Variants in LY9 observed in about 807,000 individuals in gnomAD.
LY9 encodes T-lymphocyte surface antigen Ly-9.
LY9 carries 59 observed loss-of-function variants against 64.6 expected under a neutral mutation model. The observed-to-expected ratio is 0.91, with a 90% CI of 0.74 to 1.13. The LOEUF (loss-of-function observed/expected upper bound fraction) is 1.13. Among genes scored for constraint, LY9 ranks in the 50% most tolerant of loss-of-function variants. The probability of loss-of-function intolerance (pLI) is 0.00; values close to 1 mark genes in which losing one functional copy is unlikely to be tolerated. For synonymous variants in LY9, 281 were observed against 308.5 expected (o/e 0.91, Z 0.93); for missense variants, 789 against 797.2 (o/e 0.99, Z 0.12).
At chr1:160,802,640 T>C (rs1666612917) in intron 2 of LY9, 4 of 985,422 alleles carry the variant, frequency 4.1e-6, no homozygotes, top group Non-Finnish European at 3.6e-6. Context: ...ACCAATTTGG[T>C]GAAAATGCTG....
Position 160,813,779 on chromosome 1 carries a change from G to T in LY9, c.598G>T (p.Glu200Ter). 6.2e-7 allele frequency: 1 copy of T among 1,614,148 alleles called. No individual in the cohort carries two copies. Among genetic ancestry groups the T allele is most frequent in the East Asian group, 2.2e-5 (1 of 44,888 alleles). The change falls in exon 3 of 10, where the codon GAG becomes TAG. Residue 200 changes from glutamate to a stop codon, truncating the protein, a stop_gained. Transcript: ENST00000263285. LOFTEE classifies it high-confidence loss of function. The stretch of plus-strand genomic sequence containing the variant: ...GACCCCAAGGGAACCCCATGCTTCT[G>T]AGTCCAATGGAGGCTCCATTCTTAC... ...SWTPREPHAS[E>*]SNGGSILTVS... is the part of the protein sequence containing the mutation.
chr1:160,814,790 C>T, intron 4 of LY9, 29 bp downstream of exon 4: 2 of 1,568,990 alleles, frequency 1.3e-6, no homozygotes, highest in East Asian at 4.6e-5. Context: ...CACCCATCAC[C>T]AGATTCCTTC....
rs1667777248 is a variant in LY9 at position 160,814,460 on chromosome 1, G to A, written c.771G>A (p.Val257=). The A allele has an allele frequency of 6.2e-7, 1 of 1,613,804 alleles. No homozygotes were observed. The highest frequency in any genetic ancestry group is 8.5e-7 in the Non-Finnish European group (1 of 1,179,820). ...GAGGAGGAACAACGGGGGAGACTGT[G>A]GTAGGGGTCCTGGGAGAGCCAGTCA... The part of the protein sequence containing the change: ...ASRGGTTGET[V]VGVLGEPVTL... Residue 257 remains valine, a synonymous_variant, in exon 4 of 10, where the codon GTG becomes GTA. Transcript: ENST00000263285.
At chr1:160,811,017 G>T (rs1041391659) in intron 2 of LY9, 3 of 152,272 alleles carry the variant, frequency 2.0e-5, no homozygotes, top group Non-Finnish European at 2.9e-5. Context: ...ATACTCTTTG[G>T]CTCAGTGCTC....
In LY9 at chr1:160,827,987, C is replaced by G; in HGVS notation, c.*171C>G. Reference sequence around the variant, plus strand: ...TTCTCACCCTTAAGGACTCCCAAACCCATTAATAGTTCAGACACAGGCTCC... The same window carrying G: ...TTCTCACCCTTAAGGACTCCCAAACGCATTAATAGTTCAGACACAGGCTCC... On this transcript the variant is annotated 3_prime_UTR_variant, in exon 10 of 10. Coordinates refer to ENST00000263285, the MANE Select transcript of LY9 (RefSeq NM_002348.4). 1 of 503,942 alleles carries G rather than the reference C, an allele frequency of 2.0e-6. No individual in the cohort carries two copies. Among genetic ancestry groups the G allele is most frequent in the Non-Finnish European group, 3.5e-6 (1 of 282,518 alleles). The allele number at this position is 503,942 out of a possible 1,614,324, so 31.2% of individuals were successfully genotyped here.
chr1:160,820,210 T>C (rs516509), intron 7 of LY9, among the ~76,000 whole-genome samples: 91,460 of 151,866 alleles, frequency 0.6, 28,060 homozygotes, highest in South Asian at 0.75. Context: ...AAAATTAAAC[T>C]TCAGGAGACT....
At chr1:160,812,519 C>T (rs1417768523) in intron 2 of LY9, 1 of 152,138 alleles carries the variant, frequency 6.6e-6, no homozygotes, top group Admixed American at 6.5e-5. Flanking sequence ...TAGAATGAAT[C>T]AACTCCACAT....
chr1:160,806,280 G>A (rs1013162424), intron 2 of LY9, among the ~76,000 whole-genome samples: 1 of 152,034 alleles, frequency 6.6e-6, no homozygotes, highest in Non-Finnish European at 1.5e-5. Flanking sequence ...CTGTGGTTTG[G>A]TGGGTATCTG....
chr1:160,805,021 A>G (rs1191937608), intron 2 of LY9, among the ~76,000 whole-genome samples: 1 of 151,986 alleles, frequency 6.6e-6, no homozygotes, highest in Non-Finnish European at 1.5e-5. Context: ...CTAGCAGGTT[A>G]TTAATTTTGT....
chr1:160,806,896 A>G (rs2101767583), intron 2 of LY9, among the ~76,000 whole-genome samples: 1 of 152,310 alleles, frequency 6.6e-6, no homozygotes, highest in East Asian at 1.9e-4. Context: ...CAAATGTAAC[A>G]AAGGTTTAGC....
At chr1:160,809,574 CT>C (rs1667307533) in intron 2 of LY9, among the ~76,000 whole-genome samples, 1 of 152,012 alleles carries the variant, frequency 6.6e-6, no homozygotes, top group African/African-American at 2.4e-5. Context: ...GTTGCCCAGG[CT>C]GATTCCAAAC....
intron 2 of LY9, among the ~76,000 whole-genome samples, chr1:160,807,669 T>A (rs1178394873): frequency 6.6e-6 from 1 of 151,786 alleles, no homozygotes; most frequent in Non-Finnish European, 1.5e-5. Context: ...CCAAGCAGTG[T>A]GCATTGATGT....
intron 2 of LY9, chr1:160,810,196 A>G (rs1208871698): frequency 6.6e-6 from 1 of 152,254 alleles, no homozygotes; most frequent in East Asian, 1.9e-4. Flanking sequence ...CATGTATTGA[A>G]TAGCCATTTG....
At position 160,824,782 on chromosome 1, in the gene LY9, A is replaced by G. The variant is rs373386936; in HGVS notation, c.1899+533A>G. On this transcript the variant is annotated intron_variant, in intron 9 of 9. Coordinates refer to ENST00000263285, the MANE Select transcript of LY9 (RefSeq NM_002348.4). ...ATCACAAGGTCAGGAGATGGAGACC[A>G]TCCTGGCTAACATGGTGAAACTCCG... is the stretch of plus-strand genomic sequence containing the variant. 2.5e-3 allele frequency: 763 copies of G among 310,348 alleles called. 11 individuals carry two copies. The highest frequency in any genetic ancestry group is 0.016 in the African/African-American group (685 of 43,642). The allele number at this position is 310,348 out of a possible 1,614,324, so 19.2% of individuals were successfully genotyped here. A position where few individuals can be genotyped will look rare whatever the true frequency, so the allele number is the denominator to read the frequency against.
chr1:160,801,696 C>G (rs1666492535), intron 2 of LY9: 1 of 936,886 alleles, frequency 1.1e-6, no homozygotes, highest in Admixed American at 1.9e-5. Flanking sequence ...GTCTTACATT[C>G]AAGTCTTTTA....
intron 2 of LY9, among the ~76,000 whole-genome samples, chr1:160,806,448 A>G (rs1283827948): frequency 6.6e-6 from 1 of 152,192 alleles, no homozygotes; most frequent in Non-Finnish European, 1.5e-5. Flanking sequence ...TCTAGTGGTA[A>G]CAAATTCTCT....
At chr1:160,812,103 C>G (rs1217161133) in intron 2 of LY9, 1 of 152,224 alleles carries the variant, frequency 6.6e-6, no homozygotes. Flanking sequence ...CTCCAGAACA[C>G]AATTCTGGAG....
At chr1:160,807,639 G>A (rs1667103740) in intron 2 of LY9, among the ~76,000 whole-genome samples, 1 of 151,976 alleles carries the variant, frequency 6.6e-6, no homozygotes, top group Non-Finnish European at 1.5e-5. Flanking sequence ...AATGACAGTA[G>A]TGGGATGATT....
chr1:160,807,397 G>A (rs537531819), intron 2 of LY9, among the ~76,000 whole-genome samples: 2 of 152,314 alleles, frequency 1.3e-5, no homozygotes, highest in East Asian at 3.9e-4. Flanking sequence ...AGGCTGTGGT[G>A]AAGTTGCGCT....
Sources: allele counts gnomAD v4.1 joint callset (sites outside exome capture counted in the v4.1 genomes callset), GRCh38; gene constraint gnomAD v4.1.1; transcripts MANE v1.5; gene names NCBI Gene and HGNC (gene_info 2026-07-23, HGNC 2026-07-21).